CUX1: variants seen among roughly 807,000 people sequenced by gnomAD.
CUX1 encodes cut like homeobox 1.
CUX1 carries 31 observed loss-of-function variants against 158.8 expected under a neutral mutation model. That is an observed-to-expected ratio of 0.20 (90% CI 0.15 to 0.26). CUX1 has a LOEUF of 0.26. Ranked by LOEUF, CUX1 falls within the 10% of genes least tolerant of loss-of-function variation. CUX1 has a pLI of 1.00. For synonymous variants in CUX1, 879 were observed against 862.1 expected, an observed-to-expected ratio of 1.02 and a Z score of -0.34; for missense variants, 1,589 against 2,014.6, an observed-to-expected ratio of 0.79 and a Z score of 4.04.
chr7:102,147,488 A>G (rs998542294), intron 8 of CUX1, among the ~76,000 whole-genome samples: 2 of 152,182 alleles, frequency 1.3e-5, no homozygotes, highest in African/African-American at 2.4e-5. Flanking sequence ...GGGTCTTTCA[A>G]TACTTCTCCC....
intron 8 of CUX1, among the ~76,000 whole-genome samples, chr7:102,117,018 G>T (rs1387434850): frequency 3.3e-5 from 5 of 152,174 alleles, no homozygotes; most frequent in Admixed American, 2.0e-4. Context: ...GCCCAGTGCT[G>T]CAATCAAGGG....
chr7:101,957,744 T>TA (rs1227329085), intron 2 of CUX1, among the ~76,000 whole-genome samples: 6 of 151,722 alleles, frequency 4.0e-5, no homozygotes, highest in South Asian at 2.1e-4. Context: ...TAAAATAATT[T>TA]AAAAAAAACA....
intron 2 of CUX1, among the ~76,000 whole-genome samples, chr7:102,017,353 G>A (rs6465842): frequency 0.85 from 128,520 of 150,506 alleles, 55,323 homozygotes; most frequent in East Asian, 0.99. Flanking sequence ...CATTCATTCA[G>A]TCCACAAGTA....
chr7:102,084,312 T>C (rs1187734648), intron 4 of CUX1, among the ~76,000 whole-genome samples: 2 of 148,936 alleles, frequency 1.3e-5, no homozygotes, highest in Non-Finnish European at 3.0e-5. Context: ...TATTATGTAA[T>C]GTTTATATAA....
chr7:102,230,672 G>A (rs2132392781), intron 21 of CUX1, among the ~76,000 whole-genome samples: 1 of 152,058 alleles, frequency 6.6e-6, no homozygotes, highest in South Asian at 2.1e-4. Context: ...ATATAATTAA[G>A]TCAATTCATA....
intron 8 of CUX1, 46 bp from the exon 9 acceptor site, chr7:102,158,514 C>T: frequency 6.2e-7 from 1 of 1,603,290 alleles, no homozygotes; most frequent in Non-Finnish European, 8.5e-7. Context: ...ACCCCCTGAG[C>T]CGGTCTCCTT....
intron 8 of CUX1, among the ~76,000 whole-genome samples, chr7:102,116,756 TC>T (rs1831477631): frequency 6.6e-6 from 1 of 152,184 alleles, no homozygotes; most frequent in Non-Finnish European, 1.5e-5. Flanking sequence ...GCAGTGGCTC[TC>T]TTGGGGTGCG....
chr7:102,086,828 A>G (rs530797568), intron 4 of CUX1, among the ~76,000 whole-genome samples: 1 of 152,220 alleles, frequency 6.6e-6, no homozygotes, highest in Admixed American at 6.5e-5. Flanking sequence ...TTTTGGGGCA[A>G]ATATACCTTT....
intron 8 of CUX1, among the ~76,000 whole-genome samples, chr7:102,117,436 A>G (rs552481958): frequency 3.1e-5 from 4 of 130,318 alleles, no homozygotes; most frequent in Middle Eastern, 0.011. Context: ...TATTGGGCCT[A>G]TTTGCAGAGG....
chr7:102,166,901 C>T (rs1421253412), intron 9 of CUX1, among the ~76,000 whole-genome samples: 1 of 152,142 alleles, frequency 6.6e-6, no homozygotes, highest in Non-Finnish European at 1.5e-5. Flanking sequence ...ACACCGTGAC[C>T]GCCAACAGAT....
In CUX1 at chr7:102,254,683, G is replaced by A. The variant is rs1554541432; in HGVS notation, c.*5641G>A. 1.0e-6 allele frequency: 1 copy of A among 985,378 alleles called. No homozygotes were observed. Among genetic ancestry groups the A allele is most frequent in the Non-Finnish European group, 1.2e-6 (1 of 829,974 alleles). The allele number at this position is 985,378 out of a possible 1,614,324, so 61.0% of individuals were successfully genotyped here. The stretch of plus-strand genomic sequence containing the variant: ...TTAGAAAGCCCTCAGTGCTTCTGTG[G>A]TTTCACCTGGGCATCGACGACATTA... On this transcript the variant is annotated 3_prime_UTR_variant, in exon 24 of 24. Transcript: ENST00000292535.
rs559391715 is a variant in CUX1, at chr7:102,080,111, G to A, written c.268+9694G>A. 7.7e-4 allele frequency among the ~76,000 whole-genome samples: 118 copies of A among 152,260 alleles called. 2 individuals carry two copies. Among genetic ancestry groups the A allele is most frequent in the African/African-American group, 2.8e-3 (117 of 41,558 alleles). ...CAAGATGGGCGTTAGGCCTGTTGCC[G>A]CCAGGTTTTGCCGGCTGCCGTCCTT... On this transcript the variant is annotated intron_variant, in intron 4 of 23. Coordinates refer to ENST00000292535, the MANE Select transcript of CUX1 (RefSeq NM_181552.4).
intron 10 of CUX1, among the ~76,000 whole-genome samples, chr7:102,173,489 C>CT (rs1286112862): frequency 1.3e-5 from 2 of 152,180 alleles, no homozygotes. Flanking sequence ...GTCCCCTTGG[C>CT]TCTGTTACAG....
At chr7:101,933,977 GT>G (rs1350052851) in intron 2 of CUX1, among the ~76,000 whole-genome samples, 28 of 152,320 alleles carry the variant, frequency 1.8e-4, no homozygotes, top group Admixed American at 1.7e-3. Flanking sequence ...CATGTATGGC[GT>G]GCTGAGGAAG....
At chr7:102,233,030 A>T (rs1554531324) in intron 21 of CUX1, among the ~76,000 whole-genome samples, 1 of 152,108 alleles carries the variant, frequency 6.6e-6, no homozygotes. Flanking sequence ...AAGGAGACGC[A>T]GGTTGCCCTC....
Position 101,929,710 on chromosome 7 carries a change from G to C in CUX1, c.141+13485G>C, listed in dbSNP as rs1488416378. 6.6e-5 allele frequency among the ~76,000 whole-genome samples: 10 copies of C among 152,278 alleles called. No homozygotes were observed. The East Asian group carries it at 1.9e-3, about 29-fold the overall frequency. On this transcript the variant is annotated intron_variant, in intron 2 of 23. Transcript: ENST00000292535. ...CCCTGGAAGTCACCCTGGGAGCTAA[G>C]TATCATCGGTGCCACTTAATGAAGC...
intron 8 of CUX1, among the ~76,000 whole-genome samples, chr7:102,129,112 CT>C (rs1347108456): frequency 3.9e-5 from 6 of 152,344 alleles, no homozygotes; most frequent in African/African-American, 1.4e-4. Context: ...TTACCTCCCC[CT>C]GCTCAAGGTC....
intron 1 of CUX1, among the ~76,000 whole-genome samples, chr7:101,836,220 C>T (rs1433388277): frequency 6.6e-6 from 1 of 152,134 alleles, no homozygotes; most frequent in Non-Finnish European, 1.5e-5. Context: ...GCTTTTAACA[C>T]CCAGCCCGTT....
intron 23 of CUX1, among the ~76,000 whole-genome samples, chr7:102,240,244 ATATATC>A (rs1382011149): frequency 2.0e-5 from 3 of 152,152 alleles, no homozygotes; most frequent in South Asian, 2.1e-4. Context: ...TTTAGTTTAT[ATATATC>A]TATATTTATA....
Sources: allele counts gnomAD v4.1 joint callset (sites outside exome capture counted in the v4.1 genomes callset), GRCh38; gene constraint gnomAD v4.1.1; transcripts MANE v1.5; gene names NCBI Gene and HGNC (gene_info 2026-07-23, HGNC 2026-07-21).